Variants in PARPBP observed in about 807,000 individuals in gnomAD.
The protein encoded by PARPBP is PARP1 binding protein.
In PARPBP, 52 loss-of-function variants were observed where a neutral mutation model predicts 50.0. The observed-to-expected ratio is 1.04, with a 90% confidence interval of 0.83 to 1.31. PARPBP has a LOEUF of 1.31. Among genes scored for constraint, PARPBP ranks in the 50% most tolerant of loss-of-function variants. The pLI is 0.00. For synonymous variants in PARPBP, 244 were observed against 232.1 expected, an observed-to-expected ratio of 1.05 and a Z score of -0.47; for missense variants, 697 against 672.0, an observed-to-expected ratio of 1.04 and a Z score of -0.41.
In PARPBP at chr12:102,124,007, C is replaced by T. The variant is rs1209277209; in HGVS notation, c.119C>T (p.Ala40Val). ...TLCGADSMLL[A>V]LQLSMAENNK... Reference sequence around the variant, plus strand: ...TGTGGTGCAGACTCCATGCTCTTGGCATTGCAGCTTTCTATGGCGGAGAAC... The same window carrying T: ...TGTGGTGCAGACTCCATGCTCTTGGTATTGCAGCTTTCTATGGCGGAGAAC... The change falls in exon 2 of 11, where the codon GCA becomes GTA. Residue 40 changes from alanine (A) to valine (V), a missense_variant. Physicochemically the swap from Ala to Val is moderately conservative, Grantham distance 64. Coordinates refer to ENST00000327680, the MANE Select transcript of PARPBP (RefSeq NM_017915.5). 1 of 1,535,078 alleles carries T rather than the reference C, an allele frequency of 6.5e-7. No individual in the cohort carries two copies. The highest frequency in any genetic ancestry group is 1.2e-5 in the South Asian group (1 of 84,028).
intron 2 of PARPBP, among the ~76,000 whole-genome samples, chr12:102,144,740 T>G (rs1885129643): frequency 6.6e-6 from 1 of 152,138 alleles, no homozygotes; most frequent in Admixed American, 6.5e-5. Flanking sequence ...GATAAAACAG[T>G]TTAGTTTTAA....
At chr12:102,165,646 A>G (rs1219092087) in intron 5 of PARPBP, 83 bp from the exon 6 acceptor site, 2 of 1,082,756 alleles carry the variant, frequency 1.8e-6, no homozygotes, top group East Asian at 2.4e-5. Context: ...ACCCAGAATT[A>G]TATAGATTTA....
At chr12:102,150,265 G>T (rs1181831981) in intron 3 of PARPBP, 2 of 455,078 alleles carry the variant, frequency 4.4e-6, no homozygotes, top group Admixed American at 4.7e-5. Context: ...TTGTTCTAGG[G>T]AAATTTCCAG....
rs1890107906 is a variant in PARPBP, at chr12:102,184,208, A to C, written c.1263+1581A>C. Among the ~76,000 whole-genome samples the C allele has an allele frequency of 2.0e-5, 3 of 151,656 alleles. No individual in the cohort carries two copies. In the South Asian group the frequency reaches 6.3e-4, roughly 32 times the overall value. On this transcript the variant is annotated intron_variant, in intron 9 of 10. Transcript: ENST00000327680. ...TGTTGTTTGTAACTTTTGTGGGTAC[A>C]TAGTAGGTGTATATGTTTATGGGAT...
intron 4 of PARPBP, 29 bp downstream of exon 4, chr12:102,154,005 CA>C: frequency 8.0e-7 from 1 of 1,248,440 alleles, no homozygotes; most frequent in South Asian, 1.2e-5. Flanking sequence ...TAAATTAAAG[CA>C]GACTATAATC....
In PARPBP at chr12:102,197,312, T is replaced by C; in HGVS notation, c.*1021T>C. On this transcript the variant is annotated 3_prime_UTR_variant, in exon 11 of 11. Transcript: ENST00000327680. ...TTTAAAAATACCTTAGATGCAAATT[T>C]ATAGGAGAAAAAACACTTTCAGATA... 1 of 852,998 alleles carries C rather than the reference T, an allele frequency of 1.2e-6. No homozygotes were observed. The highest frequency in any genetic ancestry group is 1.8e-6 in the Non-Finnish European group (1 of 563,520). The allele number at this position is 852,998 out of a possible 1,614,324, so 52.8% of individuals were successfully genotyped here.
At chr12:102,155,818 G>A (rs527525284) in intron 4 of PARPBP, among the ~76,000 whole-genome samples, 4 of 152,294 alleles carry the variant, frequency 2.6e-5, no homozygotes, top group Non-Finnish European at 5.9e-5. Context: ...TGCTGACTTT[G>A]GTAGGATGTC....
chr12:102,172,792 C>A (rs1257651740), intron 6 of PARPBP, among the ~76,000 whole-genome samples: 2 of 152,090 alleles, frequency 1.3e-5, no homozygotes, highest in South Asian at 2.1e-4. Flanking sequence ...CTAAGACAGT[C>A]CCAGATTTTA....
Position 102,195,373 on chromosome 12 carries a change from G to A in PARPBP, c.1325G>A (p.Ser442Asn), listed in dbSNP as rs1213995267. Residue 442 changes from serine to asparagine, a missense_variant, in exon 10 of 11, where the codon AGC (serine) becomes AAC (asparagine). Coordinates refer to ENST00000327680, the MANE Select transcript of PARPBP (RefSeq NM_017915.5). ...ACTYKDDYMI[S>N]KDNWNNVNLA... ...ACTTATAAAGATGACTACATGATAAGCAAGGATAATTGGAATAATGTTAAT... is the reference window on the plus strand; with the variant it reads ...ACTTATAAAGATGACTACATGATAAACAAGGATAATTGGAATAATGTTAAT... The A allele has an allele frequency of 6.3e-7, 1 of 1,590,048 alleles. No homozygotes were observed. Among genetic ancestry groups the A allele is most frequent in the South Asian group, 1.1e-5 (1 of 89,214 alleles).
chr12:102,136,899 G>GTTT lies in PARPBP; in HGVS notation c.154-11330_154-11328dup, dbSNP rs143343215. Among the ~76,000 whole-genome samples the GTTT allele has an allele frequency of 3.3e-3, 509 of 152,044 alleles. 1 individual carries two copies. Among genetic ancestry groups the GTTT allele is most frequent in the African/African-American group, 0.011 (476 of 41,448 alleles). ...CCATGACGTATATTTTTTATCCTGT[G>GTTT]TTTGAGCTCTATTTAGATTTCTCTT... On this transcript the variant is annotated intron_variant, in intron 2 of 10. Transcript: ENST00000327680.
At position 102,197,422 on chromosome 12, in the gene PARPBP, A is replaced by G. The variant is rs559489807; in HGVS notation, c.*1131A>G. On this transcript the variant is annotated 3_prime_UTR_variant, in exon 11 of 11. Transcript: ENST00000327680. Reference sequence around the variant, plus strand: ...TAATGCATATTGTGACTGTTTGCATATACTTCTGTTTATAAAAGTATCAGT... The same window carrying G: ...TAATGCATATTGTGACTGTTTGCATGTACTTCTGTTTATAAAAGTATCAGT... The G allele has an allele frequency of 5.3e-6, 6 of 1,124,232 alleles. No homozygotes were observed. In the East Asian group the frequency reaches 1.4e-4, roughly 27 times the overall value. 69.6% of individuals were successfully genotyped at this position (1,124,232 alleles called of 1,614,324 possible). A position where few individuals can be genotyped will look rare whatever the true frequency, so the allele number is the denominator to read the frequency against.
At chr12:102,153,679 G>A (rs1249453563) in intron 3 of PARPBP, among the ~76,000 whole-genome samples, 190 bp from the exon 4 acceptor site, 1 of 152,154 alleles carries the variant, frequency 6.6e-6, no homozygotes, top group African/African-American at 2.4e-5. Flanking sequence ...GTCTTTATTT[G>A]TGTAGCACAC....
chr12:102,130,419 C>T (rs1882664148), intron 2 of PARPBP, among the ~76,000 whole-genome samples: 1 of 151,964 alleles, frequency 6.6e-6, no homozygotes, highest in South Asian at 2.1e-4. Flanking sequence ...AGCTTCTACA[C>T]AGCAAACAAA....
At chr12:102,161,075 T>C (rs970918194) in intron 4 of PARPBP, among the ~76,000 whole-genome samples, 2 of 151,740 alleles carry the variant, frequency 1.3e-5, no homozygotes, top group Non-Finnish European at 1.5e-5. Context: ...TAAGGCACCA[T>C]AATAAAAAAT....
chr12:102,175,537 A>G lies in PARPBP; in HGVS notation c.876A>G (p.Gln292=), dbSNP rs964007106. 3 of 1,613,754 alleles carry G rather than the reference A, an allele frequency of 1.9e-6. No homozygotes were observed. The highest frequency in any genetic ancestry group is 2.7e-5 in the African/African-American group (2 of 75,050). The change falls in exon 7 of 11, where the codon CAA becomes CAG. Residue 292 remains glutamine, a synonymous_variant. Coordinates refer to ENST00000327680, the MANE Select transcript of PARPBP (RefSeq NM_017915.5). The part of the protein sequence containing the change: ...SVIKMQLIKG[Q]NSRDPFCKAI... ...TAAAGATGCAACTGATTAAAGGCCA[A>G]AACAGCAGGGATCCTTTTTGCAAAG...
intron 1 of PARPBP, among the ~76,000 whole-genome samples, chr12:102,121,830 C>G (rs547366601): frequency 6.6e-6 from 1 of 152,126 alleles, no homozygotes; most frequent in South Asian, 2.1e-4. Context: ...AACCACCATG[C>G]CCAGGCAATG....
At chr12:102,131,551 G>A (rs1487546307) in intron 2 of PARPBP, among the ~76,000 whole-genome samples, 6 of 152,120 alleles carry the variant, frequency 3.9e-5, no homozygotes, top group African/African-American at 1.4e-4. Context: ...TAGGTTTATT[G>A]CAGTGCTATT....
At chr12:102,128,769 A>G (rs778532578) in intron 2 of PARPBP, among the ~76,000 whole-genome samples, 2 of 152,202 alleles carry the variant, frequency 1.3e-5, no homozygotes, top group African/African-American at 2.4e-5. Context: ...GCTATTGTGA[A>G]CAATGCAGCA....
At chr12:102,142,436 C>G (rs1884756713) in intron 2 of PARPBP, among the ~76,000 whole-genome samples, 1 of 152,204 alleles carries the variant, frequency 6.6e-6, no homozygotes, top group Non-Finnish European at 1.5e-5. Flanking sequence ...TAAACATCCT[C>G]CTTTAGCTCA....
Sources: gnomAD v4.1 joint callset for allele counts (sites outside exome capture counted in the v4.1 genomes callset) on GRCh38, gnomAD v4.1.1 for gene constraint, MANE v1.5 for transcripts, NCBI Gene and HGNC (gene_info 2026-07-23, HGNC 2026-07-21) for gene names.